The following KIZ variants were observed in gnomAD, a reference collection of about 807,000 sequenced individuals.
KIZ encodes the protein kizuna centrosomal protein, also known as centrosomal protein kizuna.
KIZ carries 68 observed loss-of-function variants against 79.6 expected under a neutral mutation model. That is an observed-to-expected ratio of 0.85 (90% CI 0.70 to 1.05). The LOEUF (loss-of-function observed/expected upper bound fraction) is 1.05. Ranked by LOEUF, KIZ falls within the 50% of genes least tolerant of loss-of-function variation. KIZ has a pLI of 0.00. For missense variants in KIZ, 797 were observed against 800.4 expected, an observed-to-expected ratio of 1.00 and a Z score of 0.05; for synonymous variants, 280 against 281.8, an observed-to-expected ratio of 0.99 and a Z score of 0.06.
rs2033743709 is a variant in KIZ at position 21,162,866 on chromosome 20, G to A, written c.1059G>A (p.Arg353=). The A allele has an allele frequency of 1.2e-6, 2 of 1,612,610 alleles. No individual in the cohort carries two copies. Among genetic ancestry groups the A allele is most frequent in the South Asian group, 2.2e-5 (2 of 90,860 alleles). Residue 353 remains arginine, a synonymous_variant, in exon 6 of 13, where the codon AGG becomes AGA. Coordinates refer to ENST00000619189, the MANE Select transcript of KIZ (RefSeq NM_018474.6). ...CACTTGCAGATCATCTTGCTCACAG[G>A]GAACCAAAGTCACAAAAGCCCTTCA... ...WEGVSDHLAH[R]EPKSQKPFRK...
rs1406199498 is a variant in KIZ at position 21,136,563 on chromosome 20, GT to G, written c.315+17del. 10 of 1,496,764 alleles carry G rather than the reference GT, an allele frequency of 6.7e-6. No individual in the cohort carries two copies. The highest frequency in any genetic ancestry group is 8.9e-6 in the Non-Finnish European group (10 of 1,117,904). 92.7% of individuals were successfully genotyped at this position (1,496,764 alleles called of 1,614,324 possible). A position where few individuals can be genotyped will look rare whatever the true frequency, so the allele number is the denominator to read the frequency against. ...CTTCAAAAACTGAAGGTGACTTCCT[GT>G]TTTTTACTGTGTTTTATTTTATTTG... On this transcript the variant is annotated intron_variant, in intron 3 of 12. Transcript: ENST00000619189.
At chr20:21,209,764 A>G (rs886142757) in intron 7 of KIZ, among the ~76,000 whole-genome samples, 28 of 152,202 alleles carry the variant, frequency 1.8e-4, no homozygotes, top group African/African-American at 6.8e-4. Flanking sequence ...TGCTGTCCAC[A>G]TCCATTATTT....
intron 6 of KIZ, among the ~76,000 whole-genome samples, chr20:21,184,772 C>G (rs369769765): frequency 1.3e-5 from 2 of 152,130 alleles, no homozygotes; most frequent in African/African-American, 4.8e-5. Flanking sequence ...GGCCTCGTGT[C>G]GTGGCATGCC....
At chr20:21,205,242 T>C (rs1331525848) in intron 6 of KIZ, among the ~76,000 whole-genome samples, 1 of 152,162 alleles carries the variant, frequency 6.6e-6, no homozygotes, top group Non-Finnish European at 1.5e-5. Flanking sequence ...GCACCCAGAT[T>C]GTGCAGAGCT....
At chr20:21,240,363 G>A (rs1026339716) in intron 11 of KIZ, among the ~76,000 whole-genome samples, 7 of 152,118 alleles carry the variant, frequency 4.6e-5, no homozygotes, top group African/African-American at 1.7e-4. Context: ...GACCTCAGGT[G>A]ATCACCCGCC....
intron 7 of KIZ, among the ~76,000 whole-genome samples, chr20:21,211,294 T>C (rs2036058137): frequency 6.6e-6 from 1 of 152,226 alleles, no homozygotes; most frequent in African/African-American, 2.4e-5. Flanking sequence ...GTCTGAAATA[T>C]GGAGGTGTCA....
intron 1 of KIZ, among the ~76,000 whole-genome samples, chr20:21,129,194 C>G (rs961651888): frequency 3.3e-5 from 5 of 151,990 alleles, no homozygotes; most frequent in Admixed American, 3.3e-4. Context: ...AGAAAATAGG[C>G]CTGTGAAGAA....
chr20:21,130,266 C>G (rs2031757797), intron 1 of KIZ, among the ~76,000 whole-genome samples: 1 of 152,176 alleles, frequency 6.6e-6, no homozygotes, highest in Non-Finnish European at 1.5e-5. Context: ...AGAGGGTGAC[C>G]CTCAAGCTGA....
intron 1 of KIZ, among the ~76,000 whole-genome samples, chr20:21,128,408 A>G (rs1271223586): frequency 6.6e-6 from 1 of 152,106 alleles, no homozygotes; most frequent in South Asian, 2.1e-4. Flanking sequence ...ATAGGGAGCA[A>G]CCCTGGGTAG....
At chr20:21,201,496 T>C (rs1600523478) in intron 6 of KIZ, among the ~76,000 whole-genome samples, 1 of 152,206 alleles carries the variant, frequency 6.6e-6, no homozygotes, top group Admixed American at 6.5e-5. Context: ...GGCTTTGTAT[T>C]GTTTGGATTA....
intron 6 of KIZ, among the ~76,000 whole-genome samples, chr20:21,202,038 A>G (rs1225458627): frequency 2.0e-5 from 3 of 152,174 alleles, no homozygotes; most frequent in African/African-American, 4.8e-5. Flanking sequence ...CAATTAATCA[A>G]TTTTATCCTT....
At chr20:21,140,915 G>A (rs1484508656) in intron 3 of KIZ, among the ~76,000 whole-genome samples, 1 of 151,978 alleles carries the variant, frequency 6.6e-6, no homozygotes, top group Non-Finnish European at 1.5e-5. Flanking sequence ...GAGATGGGGG[G>A]GGATCATTTG....
At chr20:21,208,164 G>A (rs900766444) in intron 7 of KIZ, among the ~76,000 whole-genome samples, 1 of 152,012 alleles carries the variant, frequency 6.6e-6, no homozygotes, top group Admixed American at 6.6e-5. Context: ...TTGATCGACT[G>A]TCCTTTGCTA....
intron 9 of KIZ, among the ~76,000 whole-genome samples, chr20:21,220,008 G>C (rs2036449495): frequency 6.6e-6 from 1 of 151,824 alleles, no homozygotes; most frequent in Non-Finnish European, 1.5e-5. Context: ...TATTAGTCTA[G>C]TTGTTGTTCA....
At chr20:21,217,866 A>G (rs769442119) in intron 9 of KIZ, among the ~76,000 whole-genome samples, 5 of 152,186 alleles carry the variant, frequency 3.3e-5, no homozygotes, top group African/African-American at 4.8e-5. Context: ...AGCCTCACAA[A>G]GCAAACTCAA....
intron 1 of KIZ, among the ~76,000 whole-genome samples, chr20:21,130,016 T>C (rs1332712477): frequency 1.3e-5 from 2 of 152,196 alleles, no homozygotes; most frequent in Admixed American, 6.5e-5. Context: ...AGGATGTTCT[T>C]GTACATGATC....
chr20:21,184,000 TC>T (rs1339226498), intron 6 of KIZ, among the ~76,000 whole-genome samples: 2 of 152,142 alleles, frequency 1.3e-5, no homozygotes, highest in East Asian at 3.9e-4. Context: ...AAGGGCAGAG[TC>T]CATTGGCTTT....
At chr20:21,175,802 G>A (rs1310946263) in intron 6 of KIZ, among the ~76,000 whole-genome samples, 4 of 152,154 alleles carry the variant, frequency 2.6e-5, no homozygotes, top group African/African-American at 7.2e-5. Context: ...ATCACTTGTG[G>A]TCAGGAGTTT....
chr20:21,223,195 T>A (rs1361419974), intron 9 of KIZ, among the ~76,000 whole-genome samples: 3 of 152,238 alleles, frequency 2.0e-5, no homozygotes, highest in African/African-American at 7.2e-5. Context: ...AAAGGTTTCC[T>A]GAGGTTGAGA....
Sources: gnomAD v4.1 joint callset for allele counts (sites outside exome capture counted in the v4.1 genomes callset) on GRCh38, gnomAD v4.1.1 for gene constraint, MANE v1.5 for transcripts, NCBI Gene and HGNC (gene_info 2026-07-23, HGNC 2026-07-21) for gene names.